Variants in DSP observed in about 807,000 individuals in gnomAD.
The protein encoded by DSP is 250/210 kDa paraneoplastic pemphigus antigen.
Under a neutral mutation model 290.6 loss-of-function variants are expected in DSP, and 114 were observed. That is an observed-to-expected ratio of 0.39 (90% CI 0.34 to 0.46). DSP has a LOEUF of 0.46. DSP is among the 20% of genes least tolerant of loss of function. The pLI is 0.99. For missense variants in DSP, 3,230 were observed against 3,495.8 expected, an observed-to-expected ratio of 0.92 and a Z score of 1.92; for synonymous variants, 1,311 against 1,316.4, an observed-to-expected ratio of 1.00 and a Z score of 0.09.
chr6:7,561,244 G>A (rs999514421), intron 4 of DSP, among the ~76,000 whole-genome samples: 2 of 152,134 alleles, frequency 1.3e-5, no homozygotes, highest in African/African-American at 2.4e-5. Context: ...GAGCCACCAC[G>A]CCCAGCCAGT....
At chr6:7,543,082 G>A (rs1330511575) in intron 1 of DSP, among the ~76,000 whole-genome samples, 2 of 152,196 alleles carry the variant, frequency 1.3e-5, no homozygotes, top group African/African-American at 4.8e-5. Flanking sequence ...AAGAGATCCT[G>A]TCCCTGCTTT....
At position 7,571,975 on chromosome 6, in the gene DSP, A is replaced by G. The variant is rs151049942; in HGVS notation, c.2037A>G (p.Ile679Met). 1.9e-5 allele frequency: 30 copies of G among 1,614,240 alleles called. No homozygotes were observed. The African/African-American group carries it at 3.6e-4, about 19-fold the overall frequency. The stretch of plus-strand genomic sequence containing the variant: ...AGCTGCAGAAGATTCGCAGGCAGAT[A>G]GAGCACTGCGAGGGCAGGATGACTC... ...LMELQKIRRQ[I>M]EHCEGRMTLK... Residue 679 changes from isoleucine (I) to methionine (M), a missense_variant, in exon 15 of 24, where the codon ATA becomes ATG. This residue lies in a region of DSP where 1,714 missense variants were observed against 1,844.5 expected (regional missense o/e 0.93). Transcript: ENST00000379802.
rs397516934 is a variant in DSP, at chr6:7,580,171, C to A, written c.3981C>A (p.Ile1327=). The A allele has an allele frequency of 2.5e-6, 4 of 1,613,914 alleles. No homozygotes were observed. The African/African-American group carries it at 5.3e-5, about 22-fold the overall frequency. ...AKTIQDKNKE[I]ERLKAEFQEE... Reference sequence around the variant, plus strand: ...CCATTCAGGACAAAAATAAGGAGATCGAGAGACTCAAAGCTGAGTTTCAGG... The same window carrying A: ...CCATTCAGGACAAAAATAAGGAGATAGAGAGACTCAAAGCTGAGTTTCAGG... Residue 1327 remains isoleucine, a synonymous_variant, in exon 23 of 24, where the codon ATC becomes ATA. Coordinates refer to ENST00000379802, the MANE Select transcript of DSP (RefSeq NM_004415.4). This position sits in a 1 kb window ranked among gnomAD's most constrained non-coding sequence, Gnocchi z 4.2.
Position 7,562,783 on chromosome 6 carries a change from A to G in DSP, c.726+3A>G. Reference sequence around the variant, plus strand: ...TGGACAAAATCAAAGCCGACCTGGTACTTGTCTGTGTTTCATTTTAGAGTC... The same window carrying G: ...TGGACAAAATCAAAGCCGACCTGGTGCTTGTCTGTGTTTCATTTTAGAGTC... On this transcript the variant is annotated splice_donor_region_variant and intron_variant, in intron 5 of 23. Transcript: ENST00000379802. The G allele has an allele frequency of 6.2e-7, 1 of 1,613,972 alleles. No homozygotes were observed. The highest frequency in any genetic ancestry group is 1.3e-5 in the African/African-American group (1 of 75,054).
intron 12 of DSP, 127 bp downstream of exon 12, chr6:7,569,467 A>G (rs1486154643): frequency 1.1e-5 from 16 of 1,409,638 alleles, no homozygotes; most frequent in Non-Finnish European, 1.6e-5. Context: ...TTCTAAAAAA[A>G]GGAACCTTGT....
In DSP at chr6:7,565,684, G is replaced by T; in HGVS notation, c.939+164G>T. On this transcript the variant is annotated intron_variant, in intron 7 of 23. Transcript: ENST00000379802. The surrounding 1 kb of genome is among the most constrained non-coding windows in gnomAD (Gnocchi z 4.2). ...ATCCTTCCTTCCTGAAAACTTCTCC[G>T]TGTGGAGGCCATTATCCTTAGCAAA... 2 of 895,340 alleles carry T rather than the reference G, an allele frequency of 2.2e-6. No individual in the cohort carries two copies. Among genetic ancestry groups the T allele is most frequent in the Non-Finnish European group, 3.5e-6 (2 of 579,062 alleles). 55.5% of individuals were successfully genotyped at this position (895,340 alleles called of 1,614,324 possible).
intron 21 of DSP, among the ~76,000 whole-genome samples, 181 bp downstream of exon 21, chr6:7,578,067 TGA>T (rs1316981888): frequency 6.6e-6 from 1 of 152,196 alleles, no homozygotes; most frequent in Non-Finnish European, 1.5e-5. Context: ...CCCTCCAGTG[TGA>T]GTCATTGATG....
At chr6:7,574,913 C>A in intron 17 of DSP, 118 bp downstream of exon 17, 1 of 1,375,902 alleles carries the variant, frequency 7.3e-7, no homozygotes, top group Non-Finnish European at 1.0e-6. Context: ...GTTTCAGTGG[C>A]CACACAGGTT....
At position 7,586,149 on chromosome 6, in the gene DSP, TTCTTC is replaced by T. The variant is rs754094904; in HGVS notation, c.*278_*282del. 8 of 362,876 alleles carry T rather than the reference TTCTTC, an allele frequency of 2.2e-5. No individual in the cohort carries two copies. The highest frequency in any genetic ancestry group is 4.5e-5 in the South Asian group (1 of 22,166). The allele number at this position is 362,876 out of a possible 1,614,324, so 22.5% of individuals were successfully genotyped here. A position where few individuals can be genotyped will look rare whatever the true frequency, so the allele number is the denominator to read the frequency against. Reference sequence around the variant, plus strand: ...AGCACAAATCGAACTTAGGATTTGTTTCTTCTCTTCTGTGTTTCGATTTTTGATCA... The same window carrying T: ...AGCACAAATCGAACTTAGGATTTGTTTCTTCTGTGTTTCGATTTTTGATCA... On this transcript the variant is annotated 3_prime_UTR_variant, in exon 24 of 24. Transcript: ENST00000379802.
At chr6:7,577,070 T>G (rs1322765117) in intron 20 of DSP, 28 bp downstream of exon 20, 1 of 1,568,324 alleles carries the variant, frequency 6.4e-7, no homozygotes, top group Non-Finnish European at 8.7e-7. Context: ...AGAATGTTGG[T>G]ATTTCACCAA....
In DSP at chr6:7,577,121, C is replaced by A. The variant is rs2064218; in HGVS notation, c.2877+79C>A. On this transcript the variant is annotated intron_variant, in intron 20 of 23. Transcript: ENST00000379802. Reference sequence around the variant, plus strand: ...CATGACTTGCTGATTTGTTGTAAAGCGTATACACTTCCTGAGGATAGCAAT... The same window carrying A: ...CATGACTTGCTGATTTGTTGTAAAGAGTATACACTTCCTGAGGATAGCAAT... 0.64 allele frequency: 737,876 copies of A among 1,157,736 alleles called. 236,684 individuals are homozygous for A. The highest frequency in any genetic ancestry group is 0.83 in the African/African-American group (53,431 of 64,288). 71.7% of individuals were successfully genotyped at this position (1,157,736 alleles called of 1,614,324 possible). A position where few individuals can be genotyped will look rare whatever the true frequency, so the allele number is the denominator to read the frequency against.
Position 7,580,739 on chromosome 6 carries a change from G to A in DSP, c.4549G>A (p.Ala1517Thr). The A allele has an allele frequency of 6.2e-7, 1 of 1,614,030 alleles. No individual in the cohort carries two copies. Among genetic ancestry groups the A allele is most frequent in the South Asian group, 1.1e-5 (1 of 91,082 alleles). The change falls in exon 23 of 24, where the codon GCA (alanine) becomes ACA (threonine). Residue 1517 changes from alanine to threonine, a missense_variant. Physicochemically the swap from Ala to Thr is moderately conservative, Grantham distance 58. Transcript: ENST00000379802. The surrounding 1 kb of genome is among the most constrained non-coding windows in gnomAD (Gnocchi z 4.2). ...LQRVQYDLQK[A>T]NSSATETINK... The stretch of plus-strand genomic sequence containing the variant: ...AAGGGTCCAGTATGACCTGCAGAAA[G>A]CAAACAGTAGTGCGACGGAGACAAT...
At chr6:7,553,114 C>A (rs1389694844) in intron 1 of DSP, among the ~76,000 whole-genome samples, 1 of 152,138 alleles carries the variant, frequency 6.6e-6, no homozygotes. Flanking sequence ...TATACCCTCA[C>A]CCAGTTTCCC....
rs748358814 is a variant in DSP, at chr6:7,583,067, T to C, written c.5805T>C (p.Tyr1935=). The C allele has an allele frequency of 4.3e-6, 7 of 1,613,680 alleles. No individual in the cohort carries two copies. The Admixed American group carries it at 8.3e-5, about 19-fold the overall frequency. ...QSQLETERSR[Y]QREIDKLRQR... ...AGTTAGAAACAGAACGCTCCCGATA[T>C]CAGAGGGAGATTGATAAACTCAGAC... Residue 1935 remains tyrosine (Y), a synonymous_variant, in exon 24 of 24, where the codon TAT becomes TAC. Transcript: ENST00000379802. This position sits in a 1 kb window ranked among gnomAD's most constrained non-coding sequence, Gnocchi z 4.0.
Position 7,568,485 on chromosome 6 carries a change from G to A in DSP, c.1315G>A (p.Val439Ile), listed in dbSNP as rs587782941. The change falls in exon 11 of 24, where the codon GTA (valine) becomes ATA (isoleucine). Residue 439 changes from valine (V) to isoleucine (I), a missense_variant. By Grantham distance (29) the Val-to-Ile change is conservative. This residue lies in a region of DSP where 646 missense variants were observed against 684.3 expected (regional missense o/e 0.94). Coordinates refer to ENST00000379802, the MANE Select transcript of DSP (RefSeq NM_004415.4). ...LEYKRQVQNL[V>I]NKSKKIVQLK... ...ATACAAGCGTCAGGTGCAGAACTTG[G>A]TAAACAAGTCTAAGAAGATTGTACA... 6.2e-7 allele frequency: 1 copy of A among 1,614,092 alleles called. No homozygotes were observed.
At chr6:7,554,741 C>T (rs554476280) in intron 1 of DSP, among the ~76,000 whole-genome samples, 30 of 152,246 alleles carry the variant, frequency 2.0e-4, no homozygotes, top group African/African-American at 6.0e-4. Context: ...AACTCGTGGG[C>T]TCAAGTGATC....
chr6:7,574,315 A>G, intron 16 of DSP, 63 bp downstream of exon 16: 2 of 1,527,362 alleles, frequency 1.3e-6, no homozygotes, highest in Admixed American at 3.4e-5. Context: ...CTGGGTCTTC[A>G]TTTGCTTTAG....
Position 7,582,056 on chromosome 6 carries a change from T to G in DSP, c.5379+487T>G, listed in dbSNP as rs1759454843. 6.6e-6 allele frequency among the ~76,000 whole-genome samples: 1 copy of G among 151,908 alleles called. No individual in the cohort carries two copies. The highest frequency in any genetic ancestry group is 1.5e-5 in the Non-Finnish European group (1 of 67,970). On this transcript the variant is annotated intron_variant, in intron 23 of 23. Transcript: ENST00000379802. This position sits in a 1 kb window ranked among gnomAD's most constrained non-coding sequence, Gnocchi z 4.2. ...GATCATGGCCCTAGTGTGTTTCCTT[T>G]TGTTTGACTTTCCTTCTCCTAACCC...
intron 1 of DSP, among the ~76,000 whole-genome samples, chr6:7,548,511 A>C (rs1758237936): frequency 6.6e-6 from 1 of 152,218 alleles, no homozygotes; most frequent in Non-Finnish European, 1.5e-5. Flanking sequence ...CGTGGACTCC[A>C]ACTGTGCCCT....
Sources: gnomAD v4.1 joint callset for allele counts (sites outside exome capture counted in the v4.1 genomes callset) on GRCh38, gnomAD v4.1.1 for gene constraint, gnomAD v4.1.1 regional missense constraint, Gnocchi (gnomAD v3.1) non-coding constraint, MANE v1.5 for transcripts, NCBI Gene and HGNC (gene_info 2026-07-23, HGNC 2026-07-21) for gene names.